Variants in LAMC1 observed in about 807,000 individuals in gnomAD.
LAMC1 encodes laminin subunit gamma-1.
In LAMC1, 38 loss-of-function variants were observed where a neutral mutation model predicts 173.6. The ratio of observed to expected loss-of-function variants is 0.22; its 90% CI spans 0.17 to 0.29. The LOEUF is 0.29. LAMC1 is among the 10% of genes least tolerant of loss of function. The pLI, the probability that LAMC1 is intolerant of heterozygous loss-of-function variation, is 1.00. For missense variants in LAMC1, 1,824 were observed against 2,051.8 expected (o/e 0.89, Z 2.14); for synonymous variants, 746 against 749.1 (o/e 1.00, Z 0.07).
rs1400132467 is a variant in LAMC1 at position 183,023,496 on chromosome 1, G to T, written c.-221G>T. On this transcript the variant is annotated 5_prime_UTR_variant, in exon 1 of 28. Transcript: ENST00000258341. ...TCCCGGGGTAGGTGAGGGAAGCGCG[G>T]AGGCGGCGCGCGGGGGCAGTGGTCG... The T allele has an allele frequency of 1.3e-5, 3 of 229,916 alleles. No homozygotes were observed. The highest frequency in any genetic ancestry group is 2.5e-5 in the Non-Finnish European group (3 of 121,618). 14.2% of individuals were successfully genotyped at this position (229,916 alleles called of 1,614,324 possible).
At chr1:183,125,076 G>A (rs1037087013) in intron 14 of LAMC1, 200 bp downstream of exon 14, 3 of 630,806 alleles carry the variant, frequency 4.8e-6, no homozygotes, top group South Asian at 2.1e-5. Context: ...CTGTGGTCCT[G>A]TAAAAAGAAA....
At chr1:183,039,687 CA>C (rs1328016630) in intron 1 of LAMC1, among the ~76,000 whole-genome samples, 1 of 152,178 alleles carries the variant, frequency 6.6e-6, no homozygotes, top group Admixed American at 6.5e-5. Context: ...GGGTTTTAAA[CA>C]TATGTCCACT....
intron 1 of LAMC1, among the ~76,000 whole-genome samples, chr1:183,072,901 A>G (rs1655045591): frequency 6.6e-6 from 1 of 152,230 alleles, no homozygotes; most frequent in Non-Finnish European, 1.5e-5. Flanking sequence ...CATTGCCCCC[A>G]GATGGGGCCG....
intron 11 of LAMC1, among the ~76,000 whole-genome samples, chr1:183,118,990 C>G (rs1356980810): frequency 6.6e-6 from 1 of 152,044 alleles, no homozygotes; most frequent in Non-Finnish European, 1.5e-5. Flanking sequence ...CCTCCGCCTC[C>G]TGGTTCAAGC....
Position 183,116,558 on chromosome 1 carries a change from TC to T in LAMC1, c.1329-17del. 1 of 1,493,164 alleles carries T rather than the reference TC, an allele frequency of 6.7e-7. No homozygotes were observed. Among genetic ancestry groups the T allele is most frequent in the Admixed American group, 1.8e-5 (1 of 56,008 alleles). 92.5% of individuals were successfully genotyped at this position (1,493,164 alleles called of 1,614,324 possible). A position where few individuals can be genotyped will look rare whatever the true frequency, so the allele number is the denominator to read the frequency against. On this transcript the variant is annotated intron_variant, in intron 6 of 27. Coordinates refer to ENST00000258341, the MANE Select transcript of LAMC1 (RefSeq NM_002293.4). ...TTTTCTCCCTTCTCTGATTGTTTTA[TC>T]CATTTTTCATTGAATAGGCCATGCT...
At chr1:183,070,337 G>A (rs1476972616) in intron 1 of LAMC1, among the ~76,000 whole-genome samples, 1 of 152,134 alleles carries the variant, frequency 6.6e-6, no homozygotes, top group African/African-American at 2.4e-5. Context: ...GGACCAACTA[G>A]TGCTTCTGTT....
At chr1:183,124,495 C>T in intron 13 of LAMC1, 136 bp from the exon 14 acceptor site, 1 of 1,049,860 alleles carries the variant, frequency 9.5e-7, no homozygotes, top group Non-Finnish European at 1.4e-6. Context: ...GGGCTGCAGC[C>T]CAGGTCCTCT....
At chr1:183,095,251 G>A (rs889488088) in intron 1 of LAMC1, among the ~76,000 whole-genome samples, 12 of 152,076 alleles carry the variant, frequency 7.9e-5, no homozygotes, top group Admixed American at 7.9e-4. Context: ...GTGACTTTGT[G>A]GGATTATTGG....
rs994778333 is a variant in LAMC1, at chr1:183,023,602, C to G, written c.-115C>G. On this transcript the variant is annotated 5_prime_UTR_variant, in exon 1 of 28. Coordinates refer to ENST00000258341, the MANE Select transcript of LAMC1 (RefSeq NM_002293.4). ...CCGCCGCCACCGCCCGCGCCGGAGT[C>G]AGGCCCCTGGGCCCCCAGGCTCAAG... 1 of 804,582 alleles carries G rather than the reference C, an allele frequency of 1.2e-6. No homozygotes were observed. Among genetic ancestry groups the G allele is most frequent in the African/African-American group, 1.8e-5 (1 of 54,392 alleles). 49.8% of individuals were successfully genotyped at this position (804,582 alleles called of 1,614,324 possible).
intron 19 of LAMC1, 77 bp from the exon 20 acceptor site, chr1:183,131,222 A>C (rs1462431648): frequency 1.7e-6 from 2 of 1,183,802 alleles, no homozygotes; most frequent in Non-Finnish European, 1.2e-6. Context: ...CTCTAACAAA[A>C]ATTTAGTTTT....
At position 183,140,419 on chromosome 1, in the gene LAMC1, C is replaced by A; in HGVS notation, c.4489C>A (p.Gln1497Lys). ...MMAGMASQAA[Q>K]EAEINARKAK... ...TCCCTTACAGGCTTCACAGGCTGCT[C>A]AAGAAGCCGAGATCAATGCCAGAAA... Residue 1497 changes from glutamine to lysine, a missense_variant, in exon 27 of 28, where the codon CAA becomes AAA. Transcript: ENST00000258341. The A allele has an allele frequency of 6.2e-7, 1 of 1,612,438 alleles. No homozygotes were observed. Among genetic ancestry groups the A allele is most frequent in the South Asian group, 1.1e-5 (1 of 90,976 alleles).
chr1:183,051,026 TCTC>T (rs1654413386), intron 1 of LAMC1, among the ~76,000 whole-genome samples: 2 of 132,404 alleles, frequency 1.5e-5, no homozygotes, highest in East Asian at 4.8e-4. Context: ...CCTTTCCTCT[TCTC>T]CTTTCAAATT....
intron 1 of LAMC1, among the ~76,000 whole-genome samples, chr1:183,079,830 T>C (rs1655221633): frequency 6.6e-6 from 1 of 152,240 alleles, no homozygotes; most frequent in Non-Finnish European, 1.5e-5. Flanking sequence ...ACAAGCATTA[T>C]TAGATTACAC....
rs1653589026 is a variant in LAMC1, at chr1:183,023,569, G to C, written c.-148G>C. On this transcript the variant is annotated 5_prime_UTR_variant, in exon 1 of 28. Transcript: ENST00000258341. Reference sequence around the variant, plus strand: ...GGGGCGCCCACCCGTCAGTCTCTCCGGCGCGAGCCGCCGCCACCGCCCGCG... The same window carrying C: ...GGGGCGCCCACCCGTCAGTCTCTCCCGCGCGAGCCGCCGCCACCGCCCGCG... 1 of 466,628 alleles carries C rather than the reference G, an allele frequency of 2.1e-6. No individual in the cohort carries two copies. Among genetic ancestry groups the C allele is most frequent in the South Asian group, 1.0e-4 (1 of 9,814 alleles). The allele number at this position is 466,628 out of a possible 1,614,324, so 28.9% of individuals were successfully genotyped here.
intron 2 of LAMC1, 126 bp downstream of exon 2, chr1:183,103,758 CACAG>C (rs1197132328): frequency 2.3e-5 from 17 of 732,158 alleles, no homozygotes; most frequent in South Asian, 5.3e-5. Context: ...ACTTGAGCAA[CACAG>C]ACAGAGAGCT....
chr1:183,072,329 C>T (rs1335030973), intron 1 of LAMC1, among the ~76,000 whole-genome samples: 1 of 152,168 alleles, frequency 6.6e-6, no homozygotes, highest in Non-Finnish European at 1.5e-5. Context: ...GCAGACAGCT[C>T]TTTGAATATC....
At chr1:183,111,838 C>T (rs1251757379) in intron 4 of LAMC1, among the ~76,000 whole-genome samples, 1 of 152,106 alleles carries the variant, frequency 6.6e-6, no homozygotes, top group African/African-American at 2.4e-5. Flanking sequence ...AGTTCGAGAC[C>T]AGCCTGGCCA....
chr1:183,038,227 G>A (rs946239705), intron 1 of LAMC1, among the ~76,000 whole-genome samples: 2 of 151,990 alleles, frequency 1.3e-5, no homozygotes, highest in African/African-American at 2.4e-5. Context: ...ATAAAGATGG[G>A]GTTCTACCAT....
intron 1 of LAMC1, among the ~76,000 whole-genome samples, chr1:183,042,727 T>C (rs751535837): frequency 1.8e-4 from 27 of 152,250 alleles, no homozygotes; most frequent in Non-Finnish European, 3.2e-4. Flanking sequence ...GTACTCATTC[T>C]GCTCTTAGTG....
Sources: allele counts gnomAD v4.1 joint callset (sites outside exome capture counted in the v4.1 genomes callset), GRCh38; gene constraint gnomAD v4.1.1; transcripts MANE v1.5; gene names NCBI Gene and HGNC (gene_info 2026-07-23, HGNC 2026-07-21).